Variants in SENP6 observed in about 807,000 individuals in gnomAD.
The protein encoded by SENP6 is SUMO specific peptidase 6, also known as sentrin-specific protease 6.
In SENP6, 41 loss-of-function variants were observed where a neutral mutation model predicts 134.5. The observed-to-expected ratio is 0.30, with a 90% CI of 0.24 to 0.40. The LOEUF is 0.40. Ranked by LOEUF, SENP6 falls within the 10% of genes least tolerant of loss-of-function variation. The probability of loss-of-function intolerance (pLI) is 1.00; values close to 1 mark genes in which losing one functional copy is unlikely to be tolerated. For synonymous variants in SENP6, 395 were observed against 429.8 expected (o/e 0.92, Z 1.00); for missense variants, 1,248 against 1,312.5 (o/e 0.95, Z 0.76).
At chr6:75,706,766 A>G (rs1180574880) in intron 19 of SENP6, among the ~76,000 whole-genome samples, 1 of 152,228 alleles carries the variant, frequency 6.6e-6, no homozygotes, top group African/African-American at 2.4e-5. Flanking sequence ...CATAGAGTCA[A>G]CAAGTGTTGA....
intron 3 of SENP6, among the ~76,000 whole-genome samples, chr6:75,629,383 T>C (rs1224417994): frequency 6.6e-6 from 1 of 152,066 alleles, no homozygotes; most frequent in Non-Finnish European, 1.5e-5. Context: ...ACTGCAACCT[T>C]CGCCTTCCCA....
chr6:75,691,091 A>AC (rs1221179758), intron 16 of SENP6, among the ~76,000 whole-genome samples: 1 of 142,610 alleles, frequency 7.0e-6, no homozygotes, highest in Admixed American at 7.1e-5. Flanking sequence ...CGATCCTCCC[A>AC]CCTTGGCCTC....
intron 3 of SENP6, among the ~76,000 whole-genome samples, chr6:75,627,400 G>A (rs745952278): frequency 9.2e-5 from 14 of 152,094 alleles, no homozygotes; most frequent in Non-Finnish European, 1.9e-4. Flanking sequence ...ATTTCCTGAA[G>A]TGCTATTTTT....
chr6:75,698,591 T>C (rs1167917965), intron 18 of SENP6, among the ~76,000 whole-genome samples: 9 of 152,146 alleles, frequency 5.9e-5, no homozygotes, highest in Non-Finnish European at 1.3e-4. Context: ...AACCTCAGCC[T>C]CCCAAGTAGC....
intron 18 of SENP6, 27 bp from the exon 19 acceptor site, chr6:75,702,617 AT>A (rs778044340): frequency 1.8e-4 from 271 of 1,522,368 alleles, no homozygotes; most frequent in Non-Finnish European, 2.3e-4. Flanking sequence ...CTAATAACAT[AT>A]TTAGTCATTT....
chr6:75,634,284 G>C (rs570933867), intron 4 of SENP6, among the ~76,000 whole-genome samples: 1 of 152,010 alleles, frequency 6.6e-6, no homozygotes, highest in East Asian at 1.9e-4. Context: ...TAGGACTCCT[G>C]ATTTTTATTT....
chr6:75,642,453 G>A (rs1770102061), intron 6 of SENP6, among the ~76,000 whole-genome samples: 1 of 152,298 alleles, frequency 6.6e-6, no homozygotes, highest in Non-Finnish European at 1.5e-5. Flanking sequence ...ACGATCATAA[G>A]AATGGCTTTT....
chr6:75,652,437 C>T (rs111366421), intron 7 of SENP6, among the ~76,000 whole-genome samples: 5 of 151,800 alleles, frequency 3.3e-5, no homozygotes, highest in African/African-American at 1.2e-4. Flanking sequence ...TGTACTGGTA[C>T]GTGCTTTTTA....
At chr6:75,676,236 A>G (rs1476368107) in intron 13 of SENP6, among the ~76,000 whole-genome samples, 182 bp downstream of exon 13, 1 of 152,178 alleles carries the variant, frequency 6.6e-6, no homozygotes, top group Non-Finnish European at 1.5e-5. Flanking sequence ...AAAAACTCAC[A>G]GAAAGTGGAA....
intron 8 of SENP6, among the ~76,000 whole-genome samples, chr6:75,662,387 A>G (rs879943053): frequency 3.3e-5 from 5 of 152,000 alleles, no homozygotes; most frequent in Admixed American, 6.6e-5. Flanking sequence ...CTACTGCGTC[A>G]GCCTCCCAAT....
intron 7 of SENP6, among the ~76,000 whole-genome samples, chr6:75,653,092 G>A (rs184716858): frequency 1.3e-5 from 2 of 151,790 alleles, no homozygotes; most frequent in Admixed American, 6.6e-5. Flanking sequence ...GTGCAATGGC[G>A]CAATCTCAGC....
chr6:75,714,389 A>G (rs1280216852), intron 23 of SENP6, among the ~76,000 whole-genome samples: 1 of 152,134 alleles, frequency 6.6e-6, no homozygotes, highest in Non-Finnish European at 1.5e-5. Context: ...TTCATCCACC[A>G]TACAGTAGAT....
intron 16 of SENP6, among the ~76,000 whole-genome samples, chr6:75,687,518 C>T (rs1480787367): frequency 1.3e-5 from 2 of 152,208 alleles, no homozygotes; most frequent in Non-Finnish European, 2.9e-5. Flanking sequence ...GCTCTGGTTT[C>T]TCCCCATCTT....
chr6:75,622,180 T>G (rs1768323831), intron 2 of SENP6, among the ~76,000 whole-genome samples: 1 of 152,214 alleles, frequency 6.6e-6, no homozygotes, highest in African/African-American at 2.4e-5. Flanking sequence ...TTAATCTACT[T>G]GGAATGACTG....
intron 18 of SENP6, among the ~76,000 whole-genome samples, chr6:75,701,765 A>G (rs34489326): frequency 0.32 from 46,721 of 147,866 alleles, 7,884 homozygotes; most frequent in African/African-American, 0.46. Flanking sequence ...TCAGCCTCCC[A>G]AGTAGCTGGG....
intron 17 of SENP6, among the ~76,000 whole-genome samples, chr6:75,697,061 T>C (rs1027859993): frequency 2.6e-5 from 4 of 152,206 alleles, no homozygotes; most frequent in African/African-American, 9.6e-5. Context: ...TGCTCACTTT[T>C]CCTACTGTCT....
intron 1 of SENP6, 61 bp downstream of exon 1, chr6:75,602,637 A>G: frequency 6.7e-7 from 1 of 1,498,240 alleles, no homozygotes; most frequent in South Asian, 1.2e-5. Flanking sequence ...CGTGGCCCCC[A>G]GAACCCCGGA....
intron 16 of SENP6, among the ~76,000 whole-genome samples, chr6:75,691,231 C>T (rs1277521497): frequency 1.3e-5 from 2 of 151,784 alleles, no homozygotes; most frequent in Non-Finnish European, 2.9e-5. Context: ...AAGCCCAGAC[C>T]TCCCTGGCTC....
In SENP6 at chr6:75,623,511, CTCTA is replaced by C. The variant is rs764980879; in HGVS notation, c.147-385_147-382del. Among the ~76,000 whole-genome samples, 21 of 152,150 alleles carry C rather than the reference CTCTA, an allele frequency of 1.4e-4. 1 individual carries two copies. The highest frequency in any genetic ancestry group is 2.6e-4 in the Admixed American group (4 of 15,258). ...TTCCTTTCAGTTCATTTCTTTGTTT[CTCTA>C]TCTTTCTACCCTTAATTTTCAATCT... On this transcript the variant is annotated intron_variant, in intron 2 of 23. Transcript: ENST00000447266.
Sources: allele counts gnomAD v4.1 joint callset (sites outside exome capture counted in the v4.1 genomes callset), GRCh38; gene constraint gnomAD v4.1.1; transcripts MANE v1.5; gene names NCBI Gene and HGNC (gene_info 2026-07-23, HGNC 2026-07-21).